Variants in ELMO1 observed in about 807,000 individuals in gnomAD.
The protein encoded by ELMO1 is engulfment and cell motility protein 1.
ELMO1 carries 26 observed loss-of-function variants against 98.9 expected under a neutral mutation model. The observed-to-expected ratio is 0.26, with a 90% confidence interval of 0.19 to 0.36. ELMO1 has a LOEUF of 0.36. Among genes scored for constraint, ELMO1 ranks in the 10% least tolerant of loss-of-function variants. The pLI, the probability that ELMO1 is intolerant of heterozygous loss-of-function variation, is 1.00. For synonymous variants in ELMO1, 346 were observed against 346.0 expected, an observed-to-expected ratio of 1.00 and a Z score of 0.00; for missense variants, 627 against 935.2, an observed-to-expected ratio of 0.67 and a Z score of 4.30.
intron 13 of ELMO1, among the ~76,000 whole-genome samples, chr7:37,136,768 T>C (rs1295740024): frequency 6.8e-6 from 1 of 147,314 alleles, no homozygotes; most frequent in Admixed American, 6.7e-5. Context: ...AAGAAAAAAA[T>C]AGAACCTCCT....
chr7:36,857,988 G>C (rs1802335593), intron 21 of ELMO1, among the ~76,000 whole-genome samples: 1 of 151,746 alleles, frequency 6.6e-6, no homozygotes, highest in South Asian at 2.1e-4. Context: ...TTCCAGACAG[G>C]ATAACTTAGA....
At chr7:36,874,057 G>A (rs1370764470) in intron 19 of ELMO1, among the ~76,000 whole-genome samples, 1 of 152,194 alleles carries the variant, frequency 6.6e-6, no homozygotes, top group African/African-American at 2.4e-5. Context: ...GGCATGGAAT[G>A]GTGGGGAAAA....
At chr7:37,046,403 C>G (rs1795799419) in intron 15 of ELMO1, among the ~76,000 whole-genome samples, 2 of 152,152 alleles carry the variant, frequency 1.3e-5, no homozygotes, top group South Asian at 4.1e-4. Flanking sequence ...AGAAAAAAAG[C>G]CCAGGCCTCT....
intron 15 of ELMO1, among the ~76,000 whole-genome samples, chr7:37,015,119 C>G (rs576151115): frequency 1.3e-5 from 2 of 152,126 alleles, no homozygotes; most frequent in Non-Finnish European, 2.9e-5. Flanking sequence ...AGGGCACAAC[C>G]CGATTTGAAG....
At chr7:36,888,582 T>G (rs899925425) in intron 17 of ELMO1, among the ~76,000 whole-genome samples, 4 of 152,218 alleles carry the variant, frequency 2.6e-5, no homozygotes, top group African/African-American at 9.6e-5. Context: ...AAGTCTCAGT[T>G]TCTTCATCTA....
At chr7:37,403,786 T>A (rs1803632318) in intron 1 of ELMO1, among the ~76,000 whole-genome samples, 1 of 152,086 alleles carries the variant, frequency 6.6e-6, no homozygotes, top group Non-Finnish European at 1.5e-5. Flanking sequence ...CCTCAAGTGA[T>A]CCTCTCACCT....
chr7:37,348,383 C>T (rs1442116339), intron 1 of ELMO1, among the ~76,000 whole-genome samples: 1 of 152,052 alleles, frequency 6.6e-6, no homozygotes, highest in East Asian at 1.9e-4. Context: ...ACTATCAAAT[C>T]CCAGGTGGTG....
intron 16 of ELMO1, among the ~76,000 whole-genome samples, chr7:36,971,831 A>G (rs891444776): frequency 3.3e-5 from 5 of 152,244 alleles, no homozygotes; most frequent in Admixed American, 1.3e-4. Flanking sequence ...TTAATAGGAC[A>G]TGCTAGCTAT....
Position 36,957,765 on chromosome 7 carries a change from A to T in ELMO1, c.1437+55534T>A, listed in dbSNP as rs1285732872. Among the ~76,000 whole-genome samples the T allele has an allele frequency of 2.6e-5, 4 of 152,292 alleles. No homozygotes were observed. The East Asian group carries it at 7.7e-4, about 29-fold the overall frequency. On this transcript the variant is annotated intron_variant, in intron 16 of 21. Transcript: ENST00000310758. ...AGTAAACAACAAGGAAGATGCCCCA[A>T]GTGTGGAGAGAACAATTGTTCTGAG... is the stretch of plus-strand genomic sequence containing the variant.
intron 16 of ELMO1, among the ~76,000 whole-genome samples, chr7:36,962,451 T>C (rs1027390690): frequency 1.3e-5 from 2 of 152,060 alleles, no homozygotes; most frequent in Admixed American, 6.5e-5. Flanking sequence ...CGGAGAGCAC[T>C]GAAGAAGTTC....
intron 13 of ELMO1, among the ~76,000 whole-genome samples, chr7:37,176,425 T>C (rs1474075245): frequency 1.3e-5 from 2 of 152,244 alleles, no homozygotes; most frequent in African/African-American, 4.8e-5. Context: ...CCAAATATTT[T>C]GGTCTATCGC....
chr7:37,245,216 A>T (rs1794938277), intron 6 of ELMO1, among the ~76,000 whole-genome samples: 1 of 152,176 alleles, frequency 6.6e-6, no homozygotes. Flanking sequence ...TTCCTCAGAC[A>T]GCATAGATGG....
intron 10 of ELMO1, among the ~76,000 whole-genome samples, chr7:37,218,340 CTG>C (rs1198831699): frequency 4.6e-5 from 7 of 152,098 alleles, no homozygotes; most frequent in Non-Finnish European, 1.0e-4. Flanking sequence ...CTGCATAAGA[CTG>C]TGAGTCCCTC....
chr7:36,978,632 T>A (rs1181660317), intron 16 of ELMO1, among the ~76,000 whole-genome samples: 1 of 152,168 alleles, frequency 6.6e-6, no homozygotes, highest in Admixed American at 6.5e-5. Context: ...ACCAAGAACA[T>A]CTTGACTTAC....
At chr7:37,293,235 A>AGAAT (rs566690681) in intron 4 of ELMO1, among the ~76,000 whole-genome samples, 1,570 of 132,456 alleles carry the variant, frequency 0.012, 16 homozygotes, top group South Asian at 0.033. Flanking sequence ...CAGCTCATTG[A>AGAAT]GAATGGGCCA....
chr7:37,215,611 A>G (rs762051234), intron 11 of ELMO1, among the ~76,000 whole-genome samples: 10 of 152,314 alleles, frequency 6.6e-5, no homozygotes, highest in Non-Finnish European at 1.2e-4. Flanking sequence ...GACAGCCCAT[A>G]AACTCCAAAG....
At chr7:37,073,135 G>A (rs1378368661) in intron 15 of ELMO1, among the ~76,000 whole-genome samples, 1 of 152,188 alleles carries the variant, frequency 6.6e-6, no homozygotes, top group Non-Finnish European at 1.5e-5. Flanking sequence ...GGTAGATATA[G>A]CCAGAGGTGT....
In ELMO1 at chr7:36,870,254, A is replaced by C; in HGVS notation, c.1905+139T>G. On this transcript the variant is annotated intron_variant, in intron 20 of 21. Coordinates refer to ENST00000310758, the MANE Select transcript of ELMO1 (RefSeq NM_014800.11). This position sits in a 1 kb window ranked among gnomAD's most constrained non-coding sequence, Gnocchi z 4.4. ...GAGACGTAAAAGGAATCGGGACAGG[A>C]AACAGGAGAGCTGAATAAGAGATGT... 1.5e-6 allele frequency: 1 copy of C among 672,204 alleles called. No individual in the cohort carries two copies. The highest frequency in any genetic ancestry group is 2.5e-6 in the Non-Finnish European group (1 of 393,384). 41.6% of individuals were successfully genotyped at this position (672,204 alleles called of 1,614,324 possible).
At chr7:37,196,446 C>A (rs933128987) in intron 13 of ELMO1, among the ~76,000 whole-genome samples, 5 of 152,112 alleles carry the variant, frequency 3.3e-5, no homozygotes, top group African/African-American at 9.7e-5. Flanking sequence ...TCAGGAAGGA[C>A]GATGCTCTGT....
Sources: allele counts gnomAD v4.1 joint callset (sites outside exome capture counted in the v4.1 genomes callset), GRCh38; gene constraint gnomAD v4.1.1; non-coding constraint Gnocchi (gnomAD v3.1); transcripts MANE v1.5; gene names NCBI Gene and HGNC (gene_info 2026-07-23, HGNC 2026-07-21).